Variants in CLCA4 observed in about 807,000 individuals in gnomAD.
CLCA4 encodes calcium-activated chloride channel regulator 4.
In CLCA4, 69 loss-of-function variants were observed where a neutral mutation model predicts 78.9. That is an observed-to-expected ratio of 0.87 (90% CI 0.72 to 1.07). CLCA4 has a LOEUF of 1.07. Among genes scored for constraint, CLCA4 ranks in the 50% least tolerant of loss-of-function variants. CLCA4 has a pLI of 0.00. For synonymous variants in CLCA4, 362 were observed against 375.8 expected, an observed-to-expected ratio of 0.96 and a Z score of 0.42; for missense variants, 1,133 against 1,095.8, an observed-to-expected ratio of 1.03 and a Z score of -0.48.
chr1:86,573,421 A>G (rs1338396086), intron 9 of CLCA4, among the ~76,000 whole-genome samples: 1 of 151,958 alleles, frequency 6.6e-6, no homozygotes, highest in Non-Finnish European at 1.5e-5. Flanking sequence ...ATTTTACAAA[A>G]ATATTTCTCT....
At position 86,563,748 on chromosome 1, in the gene CLCA4, C is replaced by A. The variant is rs1039407590; in HGVS notation, c.536C>A (p.Ser179Ter). ...GATCAGCCTTTCTACCGTGCTAAGT[C>A]AAAAAAAATCGAAGCAACAAGGCAT... is the stretch of plus-strand genomic sequence containing the variant. ...NEDQPFYRAK[S>*]KKIEATRCSA... Residue 179 changes from serine to a stop codon, truncating the protein, a stop_gained, in exon 4 of 14, where the codon TCA becomes TAA. Transcript: ENST00000370563. LOFTEE classifies it high-confidence loss of function. 3 of 1,599,272 alleles carry A rather than the reference C, an allele frequency of 1.9e-6. No individual in the cohort carries two copies. Among genetic ancestry groups the A allele is most frequent in the South Asian group, 1.1e-5 (1 of 89,134 alleles).
chr1:86,560,298 TAC>T lies in CLCA4; in HGVS notation c.390_391del (p.Ile131SerfsTer5), dbSNP rs770283490. ...QFTECGEKGE[Y>X]IHFTPDLLLG... ...CACAGAATGTGGAGAGAAAGGCGAA[TAC>T]ATTCACTTCACCCCTGACCTTCTAC... is the stretch of plus-strand genomic sequence containing the variant. On this transcript the variant is annotated frameshift_variant, in exon 3 of 14. Coordinates refer to ENST00000370563, the MANE Select transcript of CLCA4 (RefSeq NM_012128.4). LOFTEE classifies it high-confidence loss of function. The T allele has an allele frequency of 6.9e-5, 112 of 1,614,054 alleles. No homozygotes were observed. The highest frequency in any genetic ancestry group is 8.3e-5 in the Non-Finnish European group (98 of 1,179,932).
intron 9 of CLCA4, among the ~76,000 whole-genome samples, chr1:86,573,300 G>A (rs1464556018): frequency 1.3e-5 from 2 of 151,526 alleles, no homozygotes; most frequent in African/African-American, 4.8e-5. Flanking sequence ...TGCTCATCTG[G>A]GTCTTGATAG....
At chr1:86,553,146 G>T (rs1649715804) in intron 1 of CLCA4, 2 of 905,968 alleles carry the variant, frequency 2.2e-6, no homozygotes, top group East Asian at 2.4e-5. Context: ...GGATCTGCCG[G>T]ACCACGTGGC....
At chr1:86,548,662 A>G (rs1315497720) in intron 1 of CLCA4, among the ~76,000 whole-genome samples, 3 of 147,090 alleles carry the variant, frequency 2.0e-5, no homozygotes, top group Non-Finnish European at 4.5e-5. Context: ...AGCCTGGGCA[A>G]CAGAGCAAGA....
chr1:86,578,114 C>A (rs1318664952), intron 12 of CLCA4, 42 bp downstream of exon 12: 13 of 1,538,286 alleles, frequency 8.5e-6, no homozygotes, highest in East Asian at 2.3e-5. Flanking sequence ...ATAGTTTGAA[C>A]AATATTAGTG....
At chr1:86,552,648 G>A in intron 1 of CLCA4, 3 of 772,824 alleles carry the variant, frequency 3.9e-6, no homozygotes, top group Non-Finnish European at 6.7e-6. Context: ...TCCACCATGT[G>A]GTCCAGCTCG....
intron 3 of CLCA4, among the ~76,000 whole-genome samples, chr1:86,562,005 A>G (rs989579196): frequency 4.6e-5 from 7 of 152,200 alleles, no homozygotes; most frequent in Admixed American, 3.9e-4. Flanking sequence ...ATCACAATAG[A>G]TCATTTAGAT....
chr1:86,564,439 AT>A (rs1650118467), intron 4 of CLCA4, among the ~76,000 whole-genome samples: 1 of 152,060 alleles, frequency 6.6e-6, no homozygotes, highest in South Asian at 2.1e-4. Flanking sequence ...AGAGTATTAC[AT>A]TTATTGCATT....
In CLCA4 at chr1:86,567,573, A is replaced by G. The variant is rs368925747; in HGVS notation, c.1104A>G (p.Arg368=). 130 of 1,613,314 alleles carry G rather than the reference A, an allele frequency of 8.1e-5. No homozygotes were observed. The highest frequency in any genetic ancestry group is 1.1e-4 in the Non-Finnish European group (126 of 1,179,510). ...TCCAAATAAAAAGCAGTGATGAAAG[A>G]AACACACTCATGGCAGGATTACCTA... The part of the protein sequence containing the change: ...KLIQIKSSDE[R]NTLMAGLPTY... Residue 368 remains arginine, a synonymous_variant, in exon 7 of 14, where the codon AGA becomes AGG. Coordinates refer to ENST00000370563, the MANE Select transcript of CLCA4 (RefSeq NM_012128.4).
At chr1:86,569,927 G>C (rs1430214728) in intron 7 of CLCA4, among the ~76,000 whole-genome samples, 3 of 151,970 alleles carry the variant, frequency 2.0e-5, no homozygotes, top group Non-Finnish European at 4.4e-5. Context: ...GTGAAAGAGA[G>C]AACTCTGCTT....
In CLCA4 at chr1:86,558,043, A is replaced by G. The variant is rs114569019; in HGVS notation, c.160-1889A>G. Among the ~76,000 whole-genome samples the G allele has an allele frequency of 7.1e-3, 1,071 of 151,592 alleles. 10 individuals are homozygous for G. The highest frequency in any genetic ancestry group is 0.025 in the African/African-American group (1,040 of 41,246). ...TTTTTCTGCTTTGCATTTGCTTGGTAGGTTTTCTCCATCTTTTTATTTTGA... is the reference window on the plus strand; with the variant it reads ...TTTTTCTGCTTTGCATTTGCTTGGTGGGTTTTCTCCATCTTTTTATTTTGA... On this transcript the variant is annotated intron_variant, in intron 1 of 13. Coordinates refer to ENST00000370563, the MANE Select transcript of CLCA4 (RefSeq NM_012128.4).
chr1:86,566,699 G>A lies in CLCA4; in HGVS notation c.954+679G>A, dbSNP rs1031855086. Among the ~76,000 whole-genome samples the A allele has an allele frequency of 1.5e-4, 23 of 152,048 alleles. 2 individuals are homozygous for A. Among genetic ancestry groups the A allele is most frequent in the Non-Finnish European group, 1.5e-5 (1 of 67,960 alleles). ...AAGTTTCTCATTGTGATTTGGTTCA[G>A]GGAGTTCAGAAGGAAATTTGGGCAT... On this transcript the variant is annotated intron_variant, in intron 6 of 13. Transcript: ENST00000370563.
rs1051320508 is a variant in CLCA4, at chr1:86,579,405, C to T, written c.2174C>T (p.Thr725Ile). The T allele has an allele frequency of 6.2e-7, 1 of 1,613,232 alleles. No individual in the cohort carries two copies. The highest frequency in any genetic ancestry group is 8.5e-7 in the Non-Finnish European group (1 of 1,179,498). Reference protein sequence around the residue: ...PRPEIDEDTQTTLEDFSRTAS... With the variant: ...PRPEIDEDTQITLEDFSRTAS... ...CCTGAAATTGATGAGGATACTCAGA[C>T]CACCTTGGAGGATTTCAGCCGAACA... Residue 725 changes from threonine to isoleucine, a missense_variant, in exon 13 of 14, where the codon ACC (threonine) becomes ATC (isoleucine). Physicochemically the swap from Thr to Ile is moderately conservative, Grantham distance 89 (BLOSUM62 -1). Transcript: ENST00000370563.
chr1:86,572,584 A>G (rs760612803), intron 8 of CLCA4, 30 bp from the exon 9 acceptor site: 14 of 1,213,160 alleles, frequency 1.2e-5, no homozygotes, highest in Non-Finnish European at 1.3e-5. Flanking sequence ...TTTTCTAGAA[A>G]GCAGTCTAAT....
intron 3 of CLCA4, among the ~76,000 whole-genome samples, chr1:86,561,380 C>T (rs1650011358): frequency 2.0e-5 from 3 of 152,208 alleles, no homozygotes. Flanking sequence ...ACTAAATCTT[C>T]TGAATTTTCC....
At position 86,560,232 on chromosome 1, in the gene CLCA4, C is replaced by A. The variant is rs768908456; in HGVS notation, c.322C>A (p.Pro108Thr). 1 of 1,612,316 alleles carries A rather than the reference C, an allele frequency of 6.2e-7. No homozygotes were observed. Among genetic ancestry groups the A allele is most frequent in the Non-Finnish European group, 8.5e-7 (1 of 1,179,556 alleles). ...HKHADVIVAP[P>T]TLPGRDEPYT... is the part of the protein sequence containing the mutation. ...TCAGGCTGATGTTATAGTTGCACCA[C>A]CTACACTCCCAGGTAGAGATGAACC... is the stretch of plus-strand genomic sequence containing the variant. Residue 108 changes from proline to threonine, a missense_variant, in exon 3 of 14, where the codon CCT (proline) becomes ACT (threonine). By Grantham distance (38) the Pro-to-Thr change is conservative. Coordinates refer to ENST00000370563, the MANE Select transcript of CLCA4 (RefSeq NM_012128.4).
Position 86,580,134 on chromosome 1 carries a change from A to C in CLCA4, c.2549A>C (p.Lys850Thr). The change falls in exon 14 of 14, where the codon AAA becomes ACA. Residue 850 changes from lysine to threonine, a missense_variant. Lys to Thr is a moderately conservative substitution (Grantham distance 78). Coordinates refer to ENST00000370563, the MANE Select transcript of CLCA4 (RefSeq NM_012128.4). Reference sequence around the variant, plus strand: ...TTTATTGCCATTAAAAGTATAGATAAAAGCAATTTGACATCAAAAGTATCC... The same window carrying C: ...TTTATTGCCATTAAAAGTATAGATACAAGCAATTTGACATCAAAAGTATCC... ...HIFIAIKSID[K>T]SNLTSKVSNI... 1 of 1,612,806 alleles carries C rather than the reference A, an allele frequency of 6.2e-7. No individual in the cohort carries two copies. The highest frequency in any genetic ancestry group is 8.5e-7 in the Non-Finnish European group (1 of 1,179,312).
Position 86,574,572 on chromosome 1 carries a change from T to C in CLCA4, c.1500T>C (p.Asn500=), listed in dbSNP as rs780955309. The C allele has an allele frequency of 3.1e-6, 5 of 1,613,194 alleles. No individual in the cohort carries two copies. In the East Asian group the frequency reaches 6.7e-5, roughly 22 times the overall value. The change falls in exon 10 of 14, where the codon AAT becomes AAC. Residue 500 remains asparagine (N), a synonymous_variant. Transcript: ENST00000370563. The part of the protein sequence containing the change: ...LESKGLTLNS[N]AWMNDTVIID... ...GTAAGGGATTAACACTGAATAGTAA[T>C]GCCTGGATGAACGACACTGTCATAA...
Sources: gnomAD v4.1 joint callset for allele counts (sites outside exome capture counted in the v4.1 genomes callset) on GRCh38, gnomAD v4.1.1 for gene constraint, MANE v1.5 for transcripts, NCBI Gene and HGNC (gene_info 2026-07-23, HGNC 2026-07-21) for gene names.